MYH15: variants seen among roughly 807,000 people sequenced by gnomAD.
MYH15 encodes myosin heavy chain 15, also known as myosin-15.
A neutral mutation model predicts 240.5 loss-of-function variants in MYH15; 227 were observed. The ratio of observed to expected loss-of-function variants is 0.94; its 90% CI spans 0.85 to 1.05. The LOEUF (loss-of-function observed/expected upper bound fraction) is 1.05. Among genes scored for constraint, MYH15 ranks in the 50% least tolerant of loss-of-function variants. The pLI, the probability that MYH15 is intolerant of heterozygous loss-of-function variation, is 0.00. For missense variants in MYH15, 2,217 were observed against 2,247.5 expected (o/e 0.99, Z 0.27); for synonymous variants, 785 against 796.7 (o/e 0.99, Z 0.25).
rs2083384428 is a variant in MYH15, at chr3:108,495,707, T to C, written c.711+73A>G. On this transcript the variant is annotated intron_variant, in intron 7 of 40. Transcript: ENST00000693548. Reference sequence around the variant, plus strand: ...GTGTTCTATAATTTTTTCATACCTATGTGCTTACATATAAGTTTTACCATT... The same window carrying C: ...GTGTTCTATAATTTTTTCATACCTACGTGCTTACATATAAGTTTTACCATT... 6.9e-6 allele frequency: 8 copies of C among 1,154,360 alleles called. No homozygotes were observed. In the East Asian group the frequency reaches 7.5e-5, roughly 11 times the overall value. The allele number at this position is 1,154,360 out of a possible 1,614,324, so 71.5% of individuals were successfully genotyped here.
upstream of MYH15, chr3:108,529,369 A>C (rs1216295240): frequency 4.3e-6 from 4 of 937,462 alleles, no homozygotes; most frequent in Middle Eastern, 2.6e-4. Flanking sequence ...GGAAGGCAAC[A>C]TTATGTTGAC....
intron 31 of MYH15, among the ~76,000 whole-genome samples, 191 bp downstream of exon 31, chr3:108,410,392 G>C (rs973280496): frequency 3.3e-5 from 5 of 152,046 alleles, no homozygotes; most frequent in African/African-American, 1.2e-4. Flanking sequence ...TAGGAAACTA[G>C]TCTTACTTTT....
the MYH15 span, among the ~76,000 whole-genome samples, chr3:108,538,544 G>A: frequency 8.5e-5 from 13 of 152,244 alleles, no homozygotes; most frequent in Non-Finnish European, 1.9e-4. Context: ...TCAAGATTGG[G>A]AAGAAGATAA....
At chr3:108,415,085 A>G (rs1002734373) in intron 29 of MYH15, among the ~76,000 whole-genome samples, 1 of 152,194 alleles carries the variant, frequency 6.6e-6, no homozygotes, top group African/African-American at 2.4e-5. Flanking sequence ...TTAAATAGTT[A>G]CCTGTAGTGT....
intron 10 of MYH15, 88 bp from the exon 11 acceptor site, chr3:108,485,317 G>A (rs1484854254): frequency 1.7e-5 from 24 of 1,431,432 alleles, no homozygotes; most frequent in Non-Finnish European, 2.3e-5. Flanking sequence ...ACCTCGGGCT[G>A]TGGGCTGAGG....
rs1331957137 is a variant in MYH15, at chr3:108,410,945, G to A, written c.4146-13C>T. The A allele has an allele frequency of 5.7e-6, 9 of 1,578,550 alleles. No homozygotes were observed. Among genetic ancestry groups the A allele is most frequent in the Non-Finnish European group, 7.8e-6 (9 of 1,155,484 alleles). On this transcript the variant is annotated splice_polypyrimidine_tract_variant and intron_variant, in intron 30 of 40. Coordinates refer to ENST00000693548, the MANE Select transcript of MYH15 (RefSeq NM_014981.3). ...TGCCAGTTCCTTCCTGAGAAAGGAG[G>A]ACACCCAAAGAGTGAGTGAGGCAAT...
chr3:108,496,040 A>T lies in MYH15; in HGVS notation c.619-168T>A, dbSNP rs564650334. Among the ~76,000 whole-genome samples the T allele has an allele frequency of 3.3e-5, 5 of 152,350 alleles. No homozygotes were observed. In the South Asian group the frequency reaches 1.0e-3, roughly 32 times the overall value. On this transcript the variant is annotated intron_variant, in intron 6 of 40. Coordinates refer to ENST00000693548, the MANE Select transcript of MYH15 (RefSeq NM_014981.3). ...TCTTCGAATGAGAAATCAGAAAAAC[A>T]GTTGGATGACAGAGGCTAACAATAT...
At chr3:108,542,904 G>A in the MYH15 span, among the ~76,000 whole-genome samples, 6 of 128,552 alleles carry the variant, frequency 4.7e-5, no homozygotes, top group Non-Finnish European at 9.6e-5. Context: ...TTTTTGAGAT[G>A]GAGTCTTGCT....
At chr3:108,392,369 T>C (rs1294164333) in intron 36 of MYH15, among the ~76,000 whole-genome samples, 1 of 152,204 alleles carries the variant, frequency 6.6e-6, no homozygotes, top group Non-Finnish European at 1.5e-5. Context: ...AATTCTGTGA[T>C]TCACTACACA....
intron 7 of MYH15, 80 bp downstream of exon 7, chr3:108,495,700 A>G (rs2083384337): frequency 3.9e-6 from 4 of 1,036,572 alleles, no homozygotes; most frequent in Non-Finnish European, 5.5e-6. Flanking sequence ...TAATTTTTTC[A>G]TACCTATGTG....
chr3:108,505,905 G>A (rs2083472536), intron 1 of MYH15, 76 bp from the exon 2 acceptor site: 2 of 895,782 alleles, frequency 2.2e-6, no homozygotes, highest in Non-Finnish European at 3.4e-6. Flanking sequence ...CTTTCATACT[G>A]ATAGATCTAA....
rs775650918 is a variant in MYH15, at chr3:108,385,792, C to A, written c.5536-1010G>T. ...CCCCCTACTTACCTTCCATTCCCCC[C>A]ACCACCACGAACCCACTCCAACCAG... On this transcript the variant is annotated intron_variant, in intron 38 of 40. Transcript: ENST00000693548. Among the ~76,000 whole-genome samples the A allele has an allele frequency of 2.7e-4, 41 of 151,334 alleles. 1 individual carries two copies. Among genetic ancestry groups the A allele is most frequent in the Non-Finnish European group, 1.3e-4 (9 of 67,890 alleles).
chr3:108,411,056 G>A, intron 30 of MYH15, 124 bp from the exon 31 acceptor site: 1 of 745,186 alleles, frequency 1.3e-6, no homozygotes, highest in East Asian at 2.7e-5. Context: ...AGTGGACTTA[G>A]TGGTATAAAG....
At chr3:108,416,571 T>C (rs1244839741) in intron 29 of MYH15, among the ~76,000 whole-genome samples, 2 of 152,170 alleles carry the variant, frequency 1.3e-5, no homozygotes, top group Non-Finnish European at 2.9e-5. Context: ...TCTGTTCAAG[T>C]ACTTATACAA....
intron 11 of MYH15, among the ~76,000 whole-genome samples, chr3:108,483,455 G>A (rs1264304961): frequency 6.6e-6 from 1 of 151,744 alleles, no homozygotes; most frequent in Admixed American, 6.6e-5. Flanking sequence ...AACAAATGTT[G>A]GCATGGGTGT....
At chr3:108,479,425 G>A (rs1387429112) in intron 11 of MYH15, among the ~76,000 whole-genome samples, 2 of 152,148 alleles carry the variant, frequency 1.3e-5, no homozygotes, top group Non-Finnish European at 2.9e-5. Context: ...GGGCTGGGCC[G>A]CTCTAGTTTT....
In MYH15 at chr3:108,487,812, C is replaced by T. The variant is rs149305721; in HGVS notation, c.872-1286G>A. ...TGCAGTGTACTTTAGGTGAAAAGAACATCAATAAATTTGTTTTATAAAACT... is the reference window on the plus strand; with the variant it reads ...TGCAGTGTACTTTAGGTGAAAAGAATATCAATAAATTTGTTTTATAAAACT... On this transcript the variant is annotated intron_variant, in intron 9 of 40. Transcript: ENST00000693548. 1.9e-3 allele frequency among the ~76,000 whole-genome samples: 293 copies of T among 152,218 alleles called. 1 individual carries two copies. The highest frequency in any genetic ancestry group is 6.8e-3 in the African/African-American group (284 of 41,538).
chr3:108,500,144 T>C lies in MYH15; in HGVS notation c.470A>G (p.Asn157Ser), dbSNP rs201879926. 5.0e-5 allele frequency: 80 copies of C among 1,613,966 alleles called. No individual in the cohort carries two copies. The highest frequency in any genetic ancestry group is 6.6e-5 in the Non-Finnish European group (78 of 1,179,930). The change falls in exon 4 of 41, where the codon AAT (asparagine) becomes AGT (serine). Residue 157 changes from asparagine (N) to serine (S), a missense_variant. By Grantham distance (46) the Asn-to-Ser change is conservative (BLOSUM62 1). Coordinates refer to ENST00000693548, the MANE Select transcript of MYH15 (RefSeq NM_014981.3). ...EAPPHIFAVA[N>S]NAFQDMLHNR... Reference sequence around the variant, plus strand: ...GTGAAGCATGTCCTGAAAGGCGTTATTGGCAACAGCAAAGATGTGAGGGGG... The same window carrying C: ...GTGAAGCATGTCCTGAAAGGCGTTACTGGCAACAGCAAAGATGTGAGGGGG...
intron 22 of MYH15, among the ~76,000 whole-genome samples, chr3:108,444,036 T>C (rs1471204264): frequency 1.4e-5 from 2 of 143,024 alleles, no homozygotes; most frequent in African/African-American, 2.6e-5. Context: ...TTAGGAGATA[T>C]ACCTAATGCT....
Sources: gnomAD v4.1 joint callset for allele counts (sites outside exome capture counted in the v4.1 genomes callset) on GRCh38, gnomAD v4.1.1 for gene constraint, MANE v1.5 for transcripts, NCBI Gene and HGNC (gene_info 2026-07-23, HGNC 2026-07-21) for gene names.